NEK1: variants seen among roughly 807,000 people sequenced by gnomAD.
The protein encoded by NEK1 is serine/threonine-protein kinase Nek1.
Under a neutral mutation model 182.1 loss-of-function variants are expected in NEK1, and 137 were observed. That is an observed-to-expected ratio of 0.75 (90% CI 0.65 to 0.87). The LOEUF is 0.87. Among genes scored for constraint, NEK1 ranks in the 40% least tolerant of loss-of-function variants. NEK1 has a pLI of 0.00. For synonymous variants in NEK1, 513 were observed against 492.2 expected (o/e 1.04, Z -0.56); for missense variants, 1,391 against 1,494.4 (o/e 0.93, Z 1.14).
In NEK1 at chr4:169,543,422, T is replaced by A. The variant is rs1172241307; in HGVS notation, c.1563-5511A>T. Among the ~76,000 whole-genome samples, 3 of 152,356 alleles carry A rather than the reference T, an allele frequency of 2.0e-5. No individual in the cohort carries two copies. The East Asian group carries it at 5.8e-4, about 29-fold the overall frequency. On this transcript the variant is annotated intron_variant, in intron 18 of 35. Transcript: ENST00000507142. ...TATAGTTTGAAGTCAGGTAGCAGGA[T>A]GCCTCCAGCTTTGTTCTTCTTGCTT...
intron 18 of NEK1, among the ~76,000 whole-genome samples, chr4:169,541,489 C>A (rs1759405619): frequency 6.6e-6 from 1 of 151,968 alleles, no homozygotes. Flanking sequence ...GGAAAAATAA[C>A]TACTACCATA....
chr4:169,542,185 C>A (rs1288723676), intron 18 of NEK1, among the ~76,000 whole-genome samples: 1 of 152,114 alleles, frequency 6.6e-6, no homozygotes, highest in African/African-American at 2.4e-5. Flanking sequence ...CCGACCGGCC[C>A]CAGTGTGTGA....
At chr4:169,596,737 G>A (rs535387811) in intron 5 of NEK1, among the ~76,000 whole-genome samples, 128 of 152,252 alleles carry the variant, frequency 8.4e-4, no homozygotes, top group African/African-American at 2.9e-3. Flanking sequence ...GTTTAATGGA[G>A]CTCTAAGTTT....
At chr4:169,567,228 G>A (rs1763845904) in intron 12 of NEK1, among the ~76,000 whole-genome samples, 1 of 151,832 alleles carries the variant, frequency 6.6e-6, no homozygotes, top group Admixed American at 6.6e-5. Context: ...CCACACAATC[G>A]ACTGCCGTTT....
At chr4:169,406,540 T>A (rs1732651672) in intron 32 of NEK1, 56 bp downstream of exon 32, 2 of 1,330,936 alleles carry the variant, frequency 1.5e-6, no homozygotes, top group Admixed American at 2.9e-5. Context: ...CCCCTCTTTT[T>A]TACATATAAA....
chr4:169,556,641 A>C (rs1402592729), intron 16 of NEK1, among the ~76,000 whole-genome samples: 2 of 152,124 alleles, frequency 1.3e-5, no homozygotes, highest in Non-Finnish European at 2.9e-5. Flanking sequence ...AAGTTGGGAA[A>C]AATAGCACAA....
At position 169,466,216 on chromosome 4, in the gene NEK1, G is replaced by A. The variant is rs1031373780; in HGVS notation, c.2435-2821C>T. Among the ~76,000 whole-genome samples, 12 of 151,870 alleles carry A rather than the reference G, an allele frequency of 7.9e-5. No individual in the cohort carries two copies. The East Asian group carries it at 1.2e-3, about 15-fold the overall frequency. On this transcript the variant is annotated intron_variant, in intron 26 of 35. Coordinates refer to ENST00000507142, the MANE Select transcript of NEK1 (RefSeq NM_001199397.3). ...ATAAATGAACCTGTCCATTGAACTC[G>A]TCCATTCATACTGAAGACAGAAAAA...
intron 19 of NEK1, among the ~76,000 whole-genome samples, chr4:169,535,067 C>G (rs1422901028): frequency 6.6e-6 from 1 of 152,198 alleles, no homozygotes; most frequent in Non-Finnish European, 1.5e-5. Context: ...CGTCTGTAAT[C>G]TCAGCAATTT....
chr4:169,485,166 T>C (rs999733639), intron 23 of NEK1, among the ~76,000 whole-genome samples: 1 of 152,202 alleles, frequency 6.6e-6, no homozygotes, highest in Non-Finnish European at 1.5e-5. Flanking sequence ...AATGCTTATG[T>C]TCTATAATCA....
At chr4:169,444,411 C>G (rs1442669430) in intron 27 of NEK1, among the ~76,000 whole-genome samples, 2 of 151,254 alleles carry the variant, frequency 1.3e-5, no homozygotes, top group Non-Finnish European at 3.0e-5. Flanking sequence ...AATGAAGAAA[C>G]AGAAAAAGAT....
chr4:169,493,368 C>T (rs1324964760), intron 23 of NEK1, among the ~76,000 whole-genome samples: 1 of 152,194 alleles, frequency 6.6e-6, no homozygotes, highest in Non-Finnish European at 1.5e-5. Context: ...TGAAAGAACT[C>T]TGGAAGTACA....
At chr4:169,506,933 C>T in intron 23 of NEK1, 104 bp downstream of exon 23, 1 of 608,114 alleles carries the variant, frequency 1.6e-6, no homozygotes, top group East Asian at 3.1e-5. Context: ...AATGAAAAAA[C>T]AGAAAAAAAA....
chr4:169,479,456 GC>G lies in NEK1; in HGVS notation c.2085del (p.Lys695AsnfsTer4). 6.2e-7 allele frequency: 1 copy of G among 1,612,018 alleles called. No homozygotes were observed. The highest frequency in any genetic ancestry group is 1.1e-5 in the South Asian group (1 of 90,444). On this transcript the variant is annotated frameshift_variant, in exon 24 of 36. Transcript: ENST00000507142. LOFTEE classifies it high-confidence loss of function. ...ACAGAAATAACAGATCTCATCTGTT[GC>G]TTTGATGGAGAGCCACCTGTTTCAT... is the stretch of plus-strand genomic sequence containing the variant. ...GQHETGGSPS[K>X]QQMRSVISVT... is the part of the protein sequence containing the mutation.
intron 19 of NEK1, among the ~76,000 whole-genome samples, chr4:169,533,094 T>G (rs942293190): frequency 6.6e-6 from 1 of 152,220 alleles, no homozygotes; most frequent in Non-Finnish European, 1.5e-5. Context: ...GTTTCTGTTA[T>G]CTCCCTGTAC....
intron 27 of NEK1, among the ~76,000 whole-genome samples, chr4:169,459,829 C>T (rs563531890): frequency 6.6e-6 from 1 of 152,102 alleles, no homozygotes; most frequent in East Asian, 1.9e-4. Flanking sequence ...CTGGAAAAGA[C>T]AAAACTATGG....
At chr4:169,449,660 C>T (rs369022795) in intron 27 of NEK1, among the ~76,000 whole-genome samples, 1 of 152,196 alleles carries the variant, frequency 6.6e-6, no homozygotes, top group East Asian at 1.9e-4. Context: ...TACACCAAAA[C>T]CCCACCTGGA....
intron 19 of NEK1, among the ~76,000 whole-genome samples, chr4:169,536,253 C>T (rs1357293179): frequency 3.4e-5 from 5 of 148,050 alleles, no homozygotes; most frequent in East Asian, 2.0e-4. Flanking sequence ...CCCAAGATCA[C>T]GCCACTGCAC....
At chr4:169,468,336 C>T (rs965017313) in intron 26 of NEK1, among the ~76,000 whole-genome samples, 3 of 151,934 alleles carry the variant, frequency 2.0e-5, no homozygotes, top group Non-Finnish European at 4.4e-5. Context: ...GAACAGAGAA[C>T]GATTAGGCAG....
rs1256076794 is a variant in NEK1 at position 169,479,414 on chromosome 4, C to G, written c.2128G>C (p.Glu710Gln). Residue 710 changes from glutamate to glutamine, a missense_variant, in exon 24 of 36, where the codon GAA becomes CAA. Physicochemically the swap from Glu to Gln is conservative, Grantham distance 29. Coordinates refer to ENST00000507142, the MANE Select transcript of NEK1 (RefSeq NM_001199397.3). ...SVISVTSALKEVGVDSSLTDT... is the reference protein window; with the variant it reads ...SVISVTSALKQVGVDSSLTDT... ...CTTAGGAAACTTACCACGCCAACTT[C>G]TTTCAAAGCTGAAGTTACAGAAATA... is the stretch of plus-strand genomic sequence containing the variant. The G allele has an allele frequency of 6.2e-7, 1 of 1,609,428 alleles. No individual in the cohort carries two copies. The highest frequency in any genetic ancestry group is 1.7e-5 in the Admixed American group (1 of 59,620).
Sources: gnomAD v4.1 joint callset for allele counts (sites outside exome capture counted in the v4.1 genomes callset) on GRCh38, gnomAD v4.1.1 for gene constraint, MANE v1.5 for transcripts, NCBI Gene and HGNC (gene_info 2026-07-23, HGNC 2026-07-21) for gene names.